The following POU6F2 variants were observed in gnomAD, a reference collection of about 807,000 sequenced individuals.
The protein encoded by POU6F2 is POU domain, class 6, transcription factor 2.
Under a neutral mutation model 71.3 loss-of-function variants are expected in POU6F2, and 31 were observed. That is an observed-to-expected ratio of 0.43 (90% CI 0.33 to 0.59). POU6F2 has a LOEUF of 0.59. Among genes scored for constraint, POU6F2 ranks in the 20% least tolerant of loss-of-function variants. The pLI, the probability that POU6F2 is intolerant of heterozygous loss-of-function variation, is 0.04. For synonymous variants in POU6F2, 347 were observed against 355.7 expected (o/e 0.98, Z 0.27); for missense variants, 783 against 856.8 (o/e 0.91, Z 1.07).
At chr7:39,096,124 C>A (rs1425520549) in intron 2 of POU6F2, among the ~76,000 whole-genome samples, 1 of 152,144 alleles carries the variant, frequency 6.6e-6, no homozygotes, top group East Asian at 1.9e-4. Flanking sequence ...AGTATCTGCA[C>A]GGAGAGCTCA....
intron 6 of POU6F2, among the ~76,000 whole-genome samples, chr7:39,423,712 A>G (rs1350732394): frequency 2.0e-5 from 3 of 152,210 alleles, no homozygotes; most frequent in Non-Finnish European, 2.9e-5. Context: ...TACATTTCCC[A>G]GGAGAAGATA....
intron 5 of POU6F2, among the ~76,000 whole-genome samples, chr7:39,360,506 T>C (rs751255097): frequency 2.0e-5 from 3 of 152,184 alleles, no homozygotes; most frequent in Admixed American, 6.5e-5. Context: ...TTCTGAGGCT[T>C]TCTACCGCTA....
At chr7:39,312,720 TA>T (rs1360748281) in intron 4 of POU6F2, among the ~76,000 whole-genome samples, 8 of 152,174 alleles carry the variant, frequency 5.3e-5, no homozygotes, top group African/African-American at 1.9e-4. Flanking sequence ...TTAAGTAAAG[TA>T]AGGGTTACTT....
chr7:39,259,101 A>C (rs1177585473), intron 4 of POU6F2, among the ~76,000 whole-genome samples: 1 of 152,220 alleles, frequency 6.6e-6, no homozygotes, highest in East Asian at 1.9e-4. Context: ...ACTCTATCAA[A>C]AGTTGGATGA....
intron 1 of POU6F2, among the ~76,000 whole-genome samples, chr7:39,058,296 G>A (rs1258568003): frequency 6.6e-6 from 1 of 152,164 alleles, no homozygotes; most frequent in East Asian, 1.9e-4. Flanking sequence ...GGATGAATTT[G>A]GAGAGTGAGA....
intron 2 of POU6F2, among the ~76,000 whole-genome samples, chr7:39,129,624 T>TATAGATAG (rs3999864): frequency 0.012 from 1,819 of 149,338 alleles, 16 homozygotes; most frequent in African/African-American, 0.02. Context: ...ACAATAGATA[T>TATAGATAG]ATAGATAGAT....
rs1320055861 is a variant in POU6F2, at chr7:39,418,927, ATGTATATATG to A, written c.1113+12199_1113+12208del. Among the ~76,000 whole-genome samples the A allele has an allele frequency of 5.8e-3, 834 of 144,480 alleles. 3 individuals carry two copies. The highest frequency in any genetic ancestry group is 0.02 in the African/African-American group (786 of 38,634). 94.8% of individuals were successfully genotyped at this position (144,480 alleles called of 152,430 possible). The stretch of plus-strand genomic sequence containing the variant: ...TGTGTGTGTATATATATATGTATAT[ATGTATATATG>A]TGTATATATGTATATATGTATATAT... On this transcript the variant is annotated intron_variant, in intron 6 of 9. Coordinates refer to ENST00000518318, the MANE Select transcript of POU6F2 (RefSeq NM_001370959.1).
At chr7:39,447,245 C>T (rs1562556245) in intron 7 of POU6F2, among the ~76,000 whole-genome samples, 1 of 142,814 alleles carries the variant, frequency 7.0e-6, no homozygotes, top group Non-Finnish European at 1.6e-5. Flanking sequence ...AAAAGAAACA[C>T]ATTGATAGAT....
intron 1 of POU6F2, among the ~76,000 whole-genome samples, chr7:39,064,557 A>T (rs1790720357): frequency 6.6e-6 from 1 of 151,966 alleles, no homozygotes; most frequent in African/African-American, 2.4e-5. Context: ...AATAAAAATT[A>T]AACTGAAAAT....
chr7:39,442,517 A>C (rs1373952762), intron 7 of POU6F2, among the ~76,000 whole-genome samples: 1 of 152,154 alleles, frequency 6.6e-6, no homozygotes, highest in African/African-American at 2.4e-5. Context: ...CTTTATCCCA[A>C]GCAGTCTCTG....
At chr7:39,129,145 T>C (rs766178408) in intron 2 of POU6F2, among the ~76,000 whole-genome samples, 1 of 152,152 alleles carries the variant, frequency 6.6e-6, no homozygotes, top group Non-Finnish European at 1.5e-5. Flanking sequence ...CTTAGTGTGT[T>C]CAGAAAAATT....
chr7:39,395,314 C>T (rs1341652763), intron 5 of POU6F2, among the ~76,000 whole-genome samples: 1 of 152,146 alleles, frequency 6.6e-6, no homozygotes, highest in Non-Finnish European at 1.5e-5. Flanking sequence ...TACACAAAAT[C>T]CTATTTCTCA....
At position 39,268,671 on chromosome 7, in the gene POU6F2, C is replaced by G. The variant is rs932951170; in HGVS notation, c.598+61051C>G. Among the ~76,000 whole-genome samples, 4 of 152,312 alleles carry G rather than the reference C, an allele frequency of 2.6e-5. No homozygotes were observed. The East Asian group carries it at 7.7e-4, about 29-fold the overall frequency. Reference sequence around the variant, plus strand: ...TCTTGACTGTCCTGCCAGACACTCACGCTCATGGAAAAATCTTTCTATGAT... The same window carrying G: ...TCTTGACTGTCCTGCCAGACACTCAGGCTCATGGAAAAATCTTTCTATGAT... On this transcript the variant is annotated intron_variant, in intron 4 of 9. Transcript: ENST00000518318.
In POU6F2 at chr7:39,220,714, C is replaced by T. The variant is rs77812477; in HGVS notation, c.598+13094C>T. Among the ~76,000 whole-genome samples the T allele has an allele frequency of 3.8e-3, 584 of 151,948 alleles. 12 individuals carry two copies. In the East Asian group the frequency reaches 0.052, roughly 14 times the overall value. The stretch of plus-strand genomic sequence containing the variant: ...TAGCCTAGACAAGGCACTCTGATTT[C>T]TGAGATTTGCTTTGCTTGTCTATTT... On this transcript the variant is annotated intron_variant, in intron 4 of 9. Transcript: ENST00000518318.
intron 1 of POU6F2, among the ~76,000 whole-genome samples, chr7:39,036,111 A>G (rs1214923670): frequency 6.6e-5 from 10 of 152,238 alleles, no homozygotes; most frequent in Middle Eastern, 3.4e-3. Context: ...CTCATTTGCA[A>G]GGAGTACAGG....
intron 1 of POU6F2, among the ~76,000 whole-genome samples, chr7:38,983,804 A>G (rs1455306582): frequency 1.3e-5 from 2 of 152,150 alleles, no homozygotes; most frequent in Non-Finnish European, 2.9e-5. Flanking sequence ...CTTCTCATAA[A>G]CGTAAAACCA....
intron 6 of POU6F2, among the ~76,000 whole-genome samples, chr7:39,418,488 G>A (rs1042882349): frequency 6.6e-6 from 1 of 152,060 alleles, no homozygotes; most frequent in Admixed American, 6.5e-5. Context: ...TCAGGAATTC[G>A]AGACCAGCCT....
intron 8 of POU6F2, among the ~76,000 whole-genome samples, chr7:39,454,873 G>A (rs1788764693): frequency 1.3e-5 from 2 of 151,090 alleles, no homozygotes; most frequent in Non-Finnish European, 3.0e-5. Context: ...ACTAGAATAG[G>A]TGGATCATAC....
intron 4 of POU6F2, among the ~76,000 whole-genome samples, chr7:39,211,583 C>A (rs905927945): frequency 3.9e-5 from 6 of 152,184 alleles, no homozygotes; most frequent in Admixed American, 2.0e-4. Flanking sequence ...TCAGATCCTT[C>A]CCAGCAAGAA....
Sources: gnomAD v4.1 joint callset for allele counts (sites outside exome capture counted in the v4.1 genomes callset) on GRCh38, gnomAD v4.1.1 for gene constraint, MANE v1.5 for transcripts, NCBI Gene and HGNC (gene_info 2026-07-23, HGNC 2026-07-21) for gene names.